Variants in DYNLRB1 observed in about 807,000 individuals in gnomAD.
DYNLRB1 encodes ROBL/LC7-like 1.
A neutral mutation model predicts 13.5 loss-of-function variants in DYNLRB1; 6 were observed. The observed-to-expected ratio is 0.44, with a 90% CI of 0.24 to 0.88. DYNLRB1 has a LOEUF of 0.88. Ranked by LOEUF, DYNLRB1 falls within the 40% of genes least tolerant of loss-of-function variation. The pLI, the probability that DYNLRB1 is intolerant of heterozygous loss-of-function variation, is 0.21. For missense variants in DYNLRB1, 93 were observed against 127.2 expected (o/e 0.73, Z 1.29); for synonymous variants, 43 against 45.0 (o/e 0.96, Z 0.18).
chr20:34,539,129 TCGGTAACATCAG>T, intron 3 of DYNLRB1, among the ~76,000 whole-genome samples: 1 of 152,300 alleles, frequency 6.6e-6, no homozygotes, highest in Non-Finnish European at 1.5e-5. Context: ...ATAGGCACAA[TCGGTAACATCAG>T]TGTCTTTTAC....
intron 2 of DYNLRB1, chr20:34,529,887 A>G (rs1980568565): frequency 6.6e-7 from 1 of 1,525,770 alleles, no homozygotes. Context: ...TGGAGACAGG[A>G]GCAGGCCCCC....
At position 34,516,851 on chromosome 20, in the gene DYNLRB1, C is replaced by T. The variant is rs867989432; in HGVS notation, c.3+390C>T. On this transcript the variant is annotated intron_variant, in intron 1 of 3. Coordinates refer to ENST00000357156, the MANE Select transcript of DYNLRB1 (RefSeq NM_014183.4). Reference sequence around the variant, plus strand: ...CAAGCACTTTATGTATCTTGTATTTCCTCCGCCTCCTCCCAGCTCTGTGAG... The same window carrying T: ...CAAGCACTTTATGTATCTTGTATTTTCTCCGCCTCCTCCCAGCTCTGTGAG... 53 of 1,541,488 alleles carry T rather than the reference C, an allele frequency of 3.4e-5. No homozygotes were observed. In the African/African-American group the frequency reaches 5.8e-4, roughly 17 times the overall value.
intron 2 of DYNLRB1, among the ~76,000 whole-genome samples, chr20:34,531,920 G>C (rs1980742159): frequency 6.6e-6 from 1 of 152,204 alleles, no homozygotes; most frequent in Non-Finnish European, 1.5e-5. Flanking sequence ...TCTGTGAGAA[G>C]GTGGCTTCGT....
chr20:34,516,430 G>A lies in DYNLRB1; in HGVS notation c.-29G>A. ...AAGGCACAGGACTCGCTAAGTGTTC[G>A]CTACGCGGGGCTACCGGATCGGTCG... On this transcript the variant is annotated 5_prime_UTR_variant, in exon 1 of 4. Transcript: ENST00000357156. The A allele has an allele frequency of 6.2e-7, 1 of 1,612,594 alleles. No homozygotes were observed. The highest frequency in any genetic ancestry group is 8.5e-7 in the Non-Finnish European group (1 of 1,179,150).
At chr20:34,522,875 G>C (rs1979868910) in intron 1 of DYNLRB1, among the ~76,000 whole-genome samples, 2 of 152,148 alleles carry the variant, frequency 1.3e-5, no homozygotes. Context: ...GTGAGGCCAT[G>C]TCCCCCTCCT....
chr20:34,522,452 CTTTCTTTTTTCTT>C (rs1979803439), intron 1 of DYNLRB1, among the ~76,000 whole-genome samples: 3 of 120,164 alleles, frequency 2.5e-5, no homozygotes, highest in Non-Finnish European at 3.7e-5. Context: ...TTTTTTCTTT[CTTTCTTTTTTCTT>C]TTTCTTTTTT....
intron 1 of DYNLRB1, among the ~76,000 whole-genome samples, chr20:34,522,238 T>C (rs975172479): frequency 6.6e-5 from 10 of 152,068 alleles, no homozygotes; most frequent in African/African-American, 2.4e-4. Context: ...TGACCTGCAG[T>C]GTGTTCTTGG....
At chr20:34,528,898 C>T (rs1600547115) in intron 2 of DYNLRB1, among the ~76,000 whole-genome samples, 1 of 151,880 alleles carries the variant, frequency 6.6e-6, no homozygotes, top group Admixed American at 6.6e-5. Flanking sequence ...TCCTTGAGCC[C>T]GGGAGTTCAA....
chr20:34,536,297 G>C, intron 3 of DYNLRB1: 1 of 985,428 alleles, frequency 1.0e-6, no homozygotes, highest in Non-Finnish European at 1.2e-6. Flanking sequence ...AAAGTGTCGA[G>C]TAGGGGACTG....
intron 3 of DYNLRB1, among the ~76,000 whole-genome samples, chr20:34,538,938 C>G (rs544046862): frequency 6.6e-6 from 1 of 152,360 alleles, no homozygotes; most frequent in Non-Finnish European, 1.5e-5. Context: ...CCCTTTAACT[C>G]TCTGAGGCTC....
intron 2 of DYNLRB1, chr20:34,530,103 A>C (rs981986261): frequency 8.1e-7 from 1 of 1,237,180 alleles, no homozygotes; most frequent in Non-Finnish European, 1.0e-6. Context: ...CCCAGGGGCC[A>C]ACAGCCCCAG....
intron 1 of DYNLRB1, among the ~76,000 whole-genome samples, chr20:34,517,250 T>TA (rs1195774977): frequency 6.6e-6 from 1 of 152,176 alleles, no homozygotes; most frequent in Non-Finnish European, 1.5e-5. Flanking sequence ...GAGCTTGTAA[T>TA]AAAAAAATTG....
intron 1 of DYNLRB1, among the ~76,000 whole-genome samples, chr20:34,526,055 C>T (rs546644968): frequency 1.4e-4 from 22 of 152,302 alleles, no homozygotes; most frequent in African/African-American, 5.3e-4. Flanking sequence ...AGGAGCAGCC[C>T]TGTCCTGCGT....
intron 1 of DYNLRB1, among the ~76,000 whole-genome samples, chr20:34,525,820 G>A (rs559321173): frequency 3.3e-5 from 5 of 152,304 alleles, no homozygotes; most frequent in East Asian, 1.9e-4. Context: ...GATGCCTGCC[G>A]CAGTCACTGA....
chr20:34,522,833 C>G (rs1032122011), intron 1 of DYNLRB1, among the ~76,000 whole-genome samples: 2 of 152,220 alleles, frequency 1.3e-5, no homozygotes, highest in Admixed American at 6.5e-5. Context: ...TTCAGATCAC[C>G]TAAACCTTAG....
intron 1 of DYNLRB1, among the ~76,000 whole-genome samples, chr20:34,518,645 G>C (rs928260862): frequency 3.3e-4 from 50 of 151,272 alleles, no homozygotes; most frequent in Admixed American, 3.3e-3. Context: ...GTAGAGTTGG[G>C]GTTTTGCCAT....
Position 34,540,636 on chromosome 20 carries a change from G to A in DYNLRB1, c.*12G>A, listed in dbSNP as rs772782657. ...ATCCAACCGAATAAGCCACTCTCTTGGCTCCCTGTGTCATTCCTTAATTTA... is the reference window on the plus strand; with the variant it reads ...ATCCAACCGAATAAGCCACTCTCTTAGCTCCCTGTGTCATTCCTTAATTTA... On this transcript the variant is annotated 3_prime_UTR_variant, in exon 4 of 4. Coordinates refer to ENST00000357156, the MANE Select transcript of DYNLRB1 (RefSeq NM_014183.4). 1 of 1,613,210 alleles carries A rather than the reference G, an allele frequency of 6.2e-7. No individual in the cohort carries two copies. Among genetic ancestry groups the A allele is most frequent in the Non-Finnish European group, 8.5e-7 (1 of 1,179,604 alleles).
intron 2 of DYNLRB1, among the ~76,000 whole-genome samples, chr20:34,527,757 G>C (rs1417403500): frequency 6.6e-6 from 1 of 152,164 alleles, no homozygotes; most frequent in Non-Finnish European, 1.5e-5. Context: ...ATCAGAAGAG[G>C]CTGCAGTGAG....
chr20:34,536,499 C>A, intron 3 of DYNLRB1: 1 of 984,770 alleles, frequency 1.0e-6, no homozygotes, highest in Non-Finnish European at 1.2e-6. Flanking sequence ...GTAATCCCAG[C>A]ACTTTGGGAG....
Sources: gnomAD v4.1 joint callset for allele counts (sites outside exome capture counted in the v4.1 genomes callset) on GRCh38, gnomAD v4.1.1 for gene constraint, MANE v1.5 for transcripts, NCBI Gene and HGNC (gene_info 2026-07-23, HGNC 2026-07-21) for gene names.